ATG4C: variants seen among roughly 807,000 people sequenced by gnomAD.
ATG4C encodes the protein autophagy related 4C cysteine peptidase.
ATG4C carries 56 observed loss-of-function variants against 57.6 expected under a neutral mutation model. The ratio of observed to expected loss-of-function variants is 0.97; its 90% CI spans 0.78 to 1.21. The LOEUF (loss-of-function observed/expected upper bound fraction) is 1.21, where lower values mean the gene tolerates loss of function less well. Among genes scored for constraint, ATG4C ranks in the 50% most tolerant of loss-of-function variants. ATG4C has a pLI of 0.00. For missense variants in ATG4C, 595 were observed against 529.8 expected, an observed-to-expected ratio of 1.12 and a Z score of -1.21; for synonymous variants, 157 against 174.1, an observed-to-expected ratio of 0.90 and a Z score of 0.78.
intron 1 of ATG4C, among the ~76,000 whole-genome samples, chr1:62,802,078 A>AACCTCTCCCTCTC (rs919701745): frequency 6.6e-6 from 1 of 151,354 alleles, no homozygotes; most frequent in Non-Finnish European, 1.5e-5. Flanking sequence ...TTCTCCCTCT[A>AACCTCTCCCTCTC]ACCTCTCCCT....
intron 9 of ATG4C, 98 bp downstream of exon 9, chr1:62,834,950 C>T (rs949865860): frequency 2.1e-6 from 2 of 934,090 alleles, no homozygotes; most frequent in Non-Finnish European, 3.3e-6. Context: ...GGTATTATAA[C>T]TACTGGTTAA....
chr1:62,852,201 C>G (rs1427084505), intron 10 of ATG4C, among the ~76,000 whole-genome samples: 1 of 152,212 alleles, frequency 6.6e-6, no homozygotes, highest in South Asian at 2.1e-4. Flanking sequence ...TATACTCATA[C>G]ACACACCATT....
chr1:62,804,089 C>CTTTTTTTTTTT (rs71692941), intron 2 of ATG4C, among the ~76,000 whole-genome samples: 55 of 140,576 alleles, frequency 3.9e-4, no homozygotes, highest in African/African-American at 1.3e-3. Context: ...CTCCTTTTTT[C>CTTTTTTTTTTT]TTTTTTTTTT....
At chr1:62,818,700 C>G (rs1465911952) in intron 4 of ATG4C, among the ~76,000 whole-genome samples, 1 of 151,986 alleles carries the variant, frequency 6.6e-6, no homozygotes, top group Non-Finnish European at 1.5e-5. Context: ...ACCATAAATT[C>G]ACTCATTTCA....
In ATG4C at chr1:62,805,065, A is replaced by G; in HGVS notation, c.77-107A>G. The G allele has an allele frequency of 4.3e-6, 6 of 1,389,468 alleles. No homozygotes were observed. The South Asian group carries it at 8.6e-5, about 20-fold the overall frequency. 86.1% of individuals were successfully genotyped at this position (1,389,468 alleles called of 1,614,324 possible). A position where few individuals can be genotyped will look rare whatever the true frequency, so the allele number is the denominator to read the frequency against. ...TGTTGCCAAAAATGCACATCCATAA[A>G]TAATAATTGATGGTTTGAAATTAAA... On this transcript the variant is annotated intron_variant, in intron 2 of 10. Transcript: ENST00000317868.
At chr1:62,799,327 C>T (rs1664576824) in intron 1 of ATG4C, among the ~76,000 whole-genome samples, 1 of 152,198 alleles carries the variant, frequency 6.6e-6, no homozygotes, top group Non-Finnish European at 1.5e-5. Flanking sequence ...ATTAAACTAG[C>T]AACAACTCAT....
chr1:62,839,198 A>G (rs1666093867), intron 9 of ATG4C, among the ~76,000 whole-genome samples: 1 of 152,198 alleles, frequency 6.6e-6, no homozygotes, highest in African/African-American at 2.4e-5. Flanking sequence ...AGCTGGGACT[A>G]TAGGTGAATG....
At position 62,791,693 on chromosome 1, in the gene ATG4C, G is replaced by T. The variant is rs190176358; in HGVS notation, c.-69+7420G>T. Among the ~76,000 whole-genome samples, 24 of 152,208 alleles carry T rather than the reference G, an allele frequency of 1.6e-4. No homozygotes were observed. The East Asian group carries it at 3.1e-3, about 20-fold the overall frequency. Reference sequence around the variant, plus strand: ...CCTGTTAATCCATTAATCCATGAGTGAATTAATTTATTTATGAGGGCAGAA... The same window carrying T: ...CCTGTTAATCCATTAATCCATGAGTTAATTAATTTATTTATGAGGGCAGAA... On this transcript the variant is annotated intron_variant, in intron 1 of 10. Coordinates refer to ENST00000317868, the MANE Select transcript of ATG4C (RefSeq NM_032852.4).
chr1:62,808,602 C>A (rs1198723123), intron 3 of ATG4C, among the ~76,000 whole-genome samples: 1 of 152,024 alleles, frequency 6.6e-6, no homozygotes, highest in Non-Finnish European at 1.5e-5. Flanking sequence ...GCACAAAATT[C>A]ATAATAGTAT....
intron 10 of ATG4C, 73 bp from the exon 11 acceptor site, chr1:62,863,919 A>G (rs1666926252): frequency 9.3e-7 from 1 of 1,079,672 alleles, no homozygotes; most frequent in Non-Finnish European, 1.3e-6. Context: ...GGGCTAAAAC[A>G]GTAGATTTGT....
intron 1 of ATG4C, among the ~76,000 whole-genome samples, chr1:62,803,441 T>C (rs1464132293): frequency 2.0e-5 from 3 of 152,128 alleles, no homozygotes; most frequent in Non-Finnish European, 4.4e-5. Flanking sequence ...TTGTGAGCAG[T>C]TGGGGGAGAT....
At chr1:62,798,913 G>T (rs1664562387) in intron 1 of ATG4C, among the ~76,000 whole-genome samples, 1 of 152,098 alleles carries the variant, frequency 6.6e-6, no homozygotes, top group African/African-American at 2.4e-5. Flanking sequence ...AAAGTGCTGG[G>T]ATTATAGGCG....
chr1:62,837,330 G>T (rs2100340703), intron 9 of ATG4C, among the ~76,000 whole-genome samples: 1 of 152,220 alleles, frequency 6.6e-6, no homozygotes, highest in African/African-American at 2.4e-5. Context: ...ATATGCCAGG[G>T]ATATCTTTGG....
chr1:62,851,009 C>A (rs908839402), intron 10 of ATG4C, among the ~76,000 whole-genome samples: 4 of 150,396 alleles, frequency 2.7e-5, no homozygotes, highest in Non-Finnish European at 5.9e-5. Flanking sequence ...CTTTTTGTAT[C>A]CCCAGTGCTT....
chr1:62,851,106 C>A (rs1666509373), intron 10 of ATG4C, among the ~76,000 whole-genome samples: 1 of 151,554 alleles, frequency 6.6e-6, no homozygotes, highest in African/African-American at 2.4e-5. Flanking sequence ...ATAAAGTTGT[C>A]TTATAAGTTA....
intron 6 of ATG4C, among the ~76,000 whole-genome samples, chr1:62,825,053 T>C (rs1665603964): frequency 6.6e-6 from 1 of 152,066 alleles, no homozygotes; most frequent in Non-Finnish European, 1.5e-5. Context: ...CTGGCCAATA[T>C]GGTGAAACCC....
intron 7 of ATG4C, among the ~76,000 whole-genome samples, chr1:62,831,047 G>T (rs1038605266): frequency 2.0e-5 from 3 of 152,038 alleles, no homozygotes; most frequent in African/African-American, 2.4e-5. Context: ...TGTTTTTCAT[G>T]GTTTTCTCTA....
chr1:62,816,837 T>G, intron 4 of ATG4C, 29 bp downstream of exon 4: 2 of 1,445,070 alleles, frequency 1.4e-6, no homozygotes, highest in Non-Finnish European at 1.8e-6. Flanking sequence ...TTTGTTTTGT[T>G]TTGTTTTGTT....
chr1:62,820,546 A>C (rs1212572049), intron 5 of ATG4C, among the ~76,000 whole-genome samples: 2 of 152,128 alleles, frequency 1.3e-5, no homozygotes, highest in Admixed American at 6.5e-5. Flanking sequence ...CACCGTTTAT[A>C]GATATTGTTA....
Sources: allele counts gnomAD v4.1 joint callset (sites outside exome capture counted in the v4.1 genomes callset), GRCh38; gene constraint gnomAD v4.1.1; transcripts MANE v1.5; gene names NCBI Gene and HGNC (gene_info 2026-07-23, HGNC 2026-07-21).